RPL12: variants seen among roughly 807,000 people sequenced by gnomAD.
RPL12 encodes ribosomal protein L12.
RPL12 carries 10 observed loss-of-function variants against 24.5 expected under a neutral mutation model. The ratio of observed to expected loss-of-function variants is 0.41; its 90% CI spans 0.25 to 0.69. RPL12 has a LOEUF of 0.69. Among genes scored for constraint, RPL12 ranks in the 30% least tolerant of loss-of-function variants. The pLI is 0.33. For missense variants in RPL12, 137 were observed against 205.3 expected, an observed-to-expected ratio of 0.67 and a Z score of 2.03; for synonymous variants, 74 against 76.1, an observed-to-expected ratio of 0.97 and a Z score of 0.14.
chr9:127,449,589 A>C (rs1434873074), intron 3 of RPL12, 21 bp downstream of exon 3: 1 of 1,609,140 alleles, frequency 6.2e-7, no homozygotes, highest in South Asian at 1.1e-5. Context: ...TCCTCTCCCG[A>C]AACCAAGCAC....
intron 1 of RPL12, 182 bp from the exon 2 acceptor site, chr9:127,450,986 G>A: frequency 1.6e-6 from 1 of 644,342 alleles, no homozygotes; most frequent in South Asian, 2.1e-5. Context: ...GGGGAGGCGT[G>A]GAGAGAGCCC....
chr9:127,449,599 CAAGCAA>C lies in RPL12; in HGVS notation c.210+5_210+10del. ...CACCCTCCTCTCCCGAAACCAAGCA[CAAGCAA>C]ATACCTGGGCCTGTCTGTTCTGAAT... On this transcript the variant is annotated splice_donor_5th_base_variant and intron_variant, in intron 3 of 6. Coordinates refer to ENST00000361436, the MANE Select transcript of RPL12 (RefSeq NM_000976.4). 1 of 1,612,742 alleles carries C rather than the reference CAAGCAA, an allele frequency of 6.2e-7. No homozygotes were observed. Among genetic ancestry groups the C allele is most frequent in the Non-Finnish European group, 8.5e-7 (1 of 1,178,760 alleles).
chr9:127,449,068 C>T (rs1015079449), intron 4 of RPL12: 11 of 481,752 alleles, frequency 2.3e-5, no homozygotes, highest in South Asian at 4.2e-5. Context: ...CTCAACTGAT[C>T]CACCCGCCTC....
At chr9:127,448,460 C>G (rs778632621) in intron 4 of RPL12, 37 bp from the exon 5 acceptor site, 1 of 1,379,290 alleles carries the variant, frequency 7.3e-7, no homozygotes, top group East Asian at 2.3e-5. Flanking sequence ...CTTTTAAAGT[C>G]TGAAGCCAAA....
chr9:127,449,163 C>T, intron 4 of RPL12, 118 bp downstream of exon 4: 1 of 771,124 alleles, frequency 1.3e-6, no homozygotes, highest in East Asian at 2.7e-5. Context: ...CAGCCCTAAC[C>T]ATATCAACAC....
At chr9:127,448,030 G>A (rs543644686) in intron 5 of RPL12, 41 bp from the exon 6 acceptor site, 1 of 1,569,374 alleles carries the variant, frequency 6.4e-7, no homozygotes, top group Non-Finnish European at 8.6e-7. Context: ...TGCTGGCTCA[G>A]TCCCTCACAA....
intron 2 of RPL12, chr9:127,449,915 A>C (rs1834245883): frequency 1.8e-6 from 1 of 567,512 alleles, no homozygotes. Context: ...GCCACAATGT[A>C]ACCTAGACCC....
chr9:127,451,088 C>T (rs956353282), intron 1 of RPL12, 193 bp downstream of exon 1: 31 of 760,074 alleles, frequency 4.1e-5, no homozygotes, highest in Non-Finnish European at 6.5e-5. Flanking sequence ...ACAGGTGGTC[C>T]AGTCCTCCCT....
rs1834196222 is a variant in RPL12 at position 127,447,705 on chromosome 9, A to G, written c.*16T>C. 6.2e-7 allele frequency: 1 copy of G among 1,613,300 alleles called. No individual in the cohort carries two copies. Among genetic ancestry groups the G allele is most frequent in the African/African-American group, 1.3e-5 (1 of 74,838 alleles). On this transcript the variant is annotated 3_prime_UTR_variant, in exon 7 of 7. Coordinates refer to ENST00000361436, the MANE Select transcript of RPL12 (RefSeq NM_000976.4). Reference sequence around the variant, plus strand: ...AGTTGTCAAATGATCCTTTATTGAAATGTTTTCCTTTGTGCTTAACTCTGT... The same window carrying G: ...AGTTGTCAAATGATCCTTTATTGAAGTGTTTTCCTTTGTGCTTAACTCTGT...
In RPL12 at chr9:127,451,309, C is replaced by G. The variant is rs369070033; in HGVS notation, c.9G>C (p.Pro3=). The G allele has an allele frequency of 2.0e-4, 324 of 1,612,964 alleles. 2 individuals are homozygous for G. The South Asian group carries it at 3.3e-3, about 16-fold the overall frequency. Residue 3 remains proline (P), a synonymous_variant, in exon 1 of 7, where the codon CCG becomes CCC. Coordinates refer to ENST00000361436, the MANE Select transcript of RPL12 (RefSeq NM_000976.4). ...CTTTGATCTCGTTGGGGTCGAACTTCGGCGGCATGGTGGAGGCGGCTGGTG... is the reference window on the plus strand; with the variant it reads ...CTTTGATCTCGTTGGGGTCGAACTTGGGCGGCATGGTGGAGGCGGCTGGTG... MP[P]KFDPNEIKVV...
intron 5 of RPL12, 104 bp from the exon 6 acceptor site, chr9:127,448,093 T>G: frequency 7.4e-7 from 1 of 1,354,096 alleles, no homozygotes; most frequent in Non-Finnish European, 1.0e-6. Context: ...ATGGAAGGAA[T>G]GAGGTTCCTG....
chr9:127,448,202 C>T (rs1218456038), intron 5 of RPL12, 135 bp downstream of exon 5: 4 of 975,770 alleles, frequency 4.1e-6, no homozygotes, highest in South Asian at 2.9e-5. Context: ...ATCCAATTTA[C>T]GATCCATCCT....
chr9:127,449,911 A>G (rs1040990651), intron 2 of RPL12: 15 of 575,410 alleles, frequency 2.6e-5, no homozygotes, highest in African/African-American at 9.3e-5. Context: ...CTTGGCCACA[A>G]TGTAACCTAG....
At chr9:127,450,419 C>T (rs1188150248) in intron 2 of RPL12, 13 of 296,370 alleles carry the variant, frequency 4.4e-5, no homozygotes, top group Middle Eastern at 9.7e-4. Context: ...CACTTCCTGA[C>T]GAGGAAATAC....
Position 127,448,387 on chromosome 9 carries a change from A to G in RPL12, c.329T>C (p.Val110Ala). ...HSGNITFDEI[V>A]NIARQMRHRS... ...GTGCCGCATCTGTCGAGCAATGTTG[A>G]CAATCTCATCAAAAGTGATATTCCC... The change falls in exon 5 of 7, where the codon GTC becomes GCC. Residue 110 changes from valine (V) to alanine (A), a missense_variant. By Grantham distance (64) the Val-to-Ala change is moderately conservative (BLOSUM62 0). Around this residue, in one of 3 missense-constraint regions of RPL12, gnomAD observed 118 missense variants for 160.7 expected, o/e 0.73. Coordinates refer to ENST00000361436, the MANE Select transcript of RPL12 (RefSeq NM_000976.4). The G allele has an allele frequency of 6.2e-7, 1 of 1,614,010 alleles. No individual in the cohort carries two copies. Among genetic ancestry groups the G allele is most frequent in the Non-Finnish European group, 8.5e-7 (1 of 1,179,884 alleles).
rs953706843 is a variant in RPL12 at position 127,447,725 on chromosome 9, C to G, written c.494G>C (p.Ser165Thr). Residue 165 changes from serine (S) to threonine (T), a missense_variant and splice_region_variant, in exon 7 of 7, where the codon AGT becomes ACT. Around this residue, in one of 3 missense-constraint regions of RPL12, gnomAD observed 118 missense variants for 160.7 expected, o/e 0.73. Transcript: ENST00000361436. The stretch of plus-strand genomic sequence containing the variant: ...TTGAAATGTTTTCCTTTGTGCTTAA[C>G]TCTGTGGGAAAGAAAAAAAAAATCA... ...INSGAVECPAS is the reference protein window; with the variant it reads ...INSGAVECPAT 2.5e-6 allele frequency: 4 copies of G among 1,613,598 alleles called. No homozygotes were observed. The highest frequency in any genetic ancestry group is 3.4e-6 in the Non-Finnish European group (4 of 1,179,878).
At chr9:127,448,482 G>T in intron 4 of RPL12, 59 bp from the exon 5 acceptor site, 3 of 1,092,236 alleles carry the variant, frequency 2.7e-6, no homozygotes, top group Non-Finnish European at 4.3e-6. Flanking sequence ...CAGATCATGT[G>T]TCCTTCATTT....
At chr9:127,451,069 C>T in intron 1 of RPL12, 2 of 702,206 alleles carry the variant, frequency 2.8e-6, no homozygotes, top group Non-Finnish European at 4.6e-6. Flanking sequence ...TGCGGGCTCC[C>T]AAGCCGCCAC....
intron 4 of RPL12, 177 bp downstream of exon 4, chr9:127,449,102 GGT>G (rs1428231981): frequency 5.4e-6 from 3 of 551,400 alleles, no homozygotes; most frequent in African/African-American, 1.9e-5. Flanking sequence ...TGGGATTACA[GGT>G]GTGAGCCACC....
Sources: allele counts gnomAD v4.1 joint callset, GRCh38; gene constraint gnomAD v4.1.1; regional missense constraint gnomAD v4.1.1; transcripts MANE v1.5; gene names NCBI Gene and HGNC (gene_info 2026-07-23, HGNC 2026-07-21).